Variants in TBCK observed in about 807,000 individuals in gnomAD.
TBCK encodes TBC1 domain containing kinase.
TBCK carries 99 observed loss-of-function variants against 113.4 expected under a neutral mutation model. The ratio of observed to expected loss-of-function variants is 0.87; its 90% CI spans 0.74 to 1.03. The LOEUF (loss-of-function observed/expected upper bound fraction) is 1.03, where lower values mean the gene tolerates loss of function less well. Among genes scored for constraint, TBCK ranks in the 50% least tolerant of loss-of-function variants. TBCK has a pLI of 0.00. For missense variants in TBCK, 1,045 were observed against 1,061.3 expected (o/e 0.98, Z 0.21); for synonymous variants, 369 against 370.8 (o/e 1.00, Z 0.05).
intron 3 of TBCK, among the ~76,000 whole-genome samples, chr4:106,267,735 A>G (rs887833604): frequency 3.3e-5 from 5 of 152,040 alleles, no homozygotes; most frequent in Non-Finnish European, 5.9e-5. Context: ...ACATGGCTCA[A>G]TAAATTTTCA....
intron 23 of TBCK, among the ~76,000 whole-genome samples, chr4:106,156,960 T>A (rs1156456545): frequency 6.6e-6 from 1 of 152,132 alleles, no homozygotes; most frequent in Non-Finnish European, 1.5e-5. Context: ...TAGCTAGTAA[T>A]GTGCTGAGTT....
At chr4:106,169,765 T>TC (rs1750778567) in intron 23 of TBCK, among the ~76,000 whole-genome samples, 2 of 152,182 alleles carry the variant, frequency 1.3e-5, no homozygotes, top group South Asian at 4.1e-4. Context: ...TAATGTACAA[T>TC]CAGTGGGAGC....
At chr4:106,207,645 T>C (rs567817966) in intron 20 of TBCK, among the ~76,000 whole-genome samples, 1 of 152,176 alleles carries the variant, frequency 6.6e-6, no homozygotes, top group Non-Finnish European at 1.5e-5. Flanking sequence ...CTGTCAATAA[T>C]GTCTACATTG....
chr4:106,122,825 AC>A (rs1250352622), intron 23 of TBCK, among the ~76,000 whole-genome samples: 7 of 152,024 alleles, frequency 4.6e-5, no homozygotes, highest in East Asian at 1.9e-4. Flanking sequence ...AAATTCAACA[AC>A]CCTTCATGCT....
intron 1 of TBCK, among the ~76,000 whole-genome samples, chr4:106,315,384 A>G (rs1026951111): frequency 2.6e-5 from 4 of 152,240 alleles, no homozygotes; most frequent in African/African-American, 9.6e-5. Flanking sequence ...ATCATGAATA[A>G]AATTTCACAT....
intron 2 of TBCK, among the ~76,000 whole-genome samples, chr4:106,302,079 A>G (rs982385145): frequency 2.0e-5 from 3 of 152,236 alleles, no homozygotes; most frequent in African/African-American, 7.2e-5. Context: ...AATGCTAAAC[A>G]TTGCCAATAA....
intron 3 of TBCK, among the ~76,000 whole-genome samples, chr4:106,274,532 C>T (rs1489000926): frequency 6.6e-6 from 1 of 152,042 alleles, no homozygotes; most frequent in Non-Finnish European, 1.5e-5. Flanking sequence ...ATAACATGGA[C>T]GAACCTTAAA....
intron 3 of TBCK, among the ~76,000 whole-genome samples, chr4:106,282,006 G>A (rs890956370): frequency 7.2e-5 from 11 of 152,158 alleles, no homozygotes; most frequent in Non-Finnish European, 1.0e-4. Context: ...AAAGTTTGGC[G>A]GAATTCAGCT....
chr4:106,260,667 A>G (rs1029791283), intron 4 of TBCK, among the ~76,000 whole-genome samples, 157 bp from the exon 5 acceptor site: 1 of 151,918 alleles, frequency 6.6e-6, no homozygotes, highest in African/African-American at 2.4e-5. Flanking sequence ...AAAAAATCAT[A>G]ATTTTATAAA....
intron 20 of TBCK, among the ~76,000 whole-genome samples, chr4:106,206,604 T>G (rs1445494487): frequency 6.6e-6 from 1 of 152,182 alleles, no homozygotes; most frequent in Non-Finnish European, 1.5e-5. Context: ...AAGGTGGATA[T>G]TCCTAGTTTT....
intron 23 of TBCK, among the ~76,000 whole-genome samples, chr4:106,159,114 T>C (rs1224156012): frequency 1.3e-5 from 2 of 149,750 alleles, no homozygotes; most frequent in South Asian, 2.1e-4. Context: ...GATAAAAACA[T>C]TTAATAACTA....
intron 25 of TBCK, among the ~76,000 whole-genome samples, chr4:106,049,018 G>T (rs997915713): frequency 1.3e-5 from 2 of 152,136 alleles, no homozygotes; most frequent in Non-Finnish European, 2.9e-5. Context: ...AAGAGCAACT[G>T]TTGAGTTTTC....
intron 22 of TBCK, among the ~76,000 whole-genome samples, chr4:106,183,302 C>T (rs1752617984): frequency 6.6e-6 from 1 of 151,936 alleles, no homozygotes; most frequent in Admixed American, 6.6e-5. Context: ...CCAATTTCCT[C>T]AGCATATCAT....
At chr4:106,117,547 A>G (rs1226899537) in intron 23 of TBCK, among the ~76,000 whole-genome samples, 1 of 152,236 alleles carries the variant, frequency 6.6e-6, no homozygotes, top group Non-Finnish European at 1.5e-5. Flanking sequence ...GATATTGCAT[A>G]AAAATGATTC....
At chr4:106,247,352 T>C in intron 9 of TBCK, 65 bp from the exon 10 acceptor site, 6 of 1,479,234 alleles carry the variant, frequency 4.1e-6, no homozygotes, top group South Asian at 2.3e-5. Context: ...AATAATGGCA[T>C]ACATTCAAGA....
At chr4:106,167,983 G>A (rs576704323) in intron 23 of TBCK, among the ~76,000 whole-genome samples, 1 of 151,682 alleles carries the variant, frequency 6.6e-6, no homozygotes, top group Non-Finnish European at 1.5e-5. Flanking sequence ...GAAGCAAAAC[G>A]AATATGTCCT....
chr4:106,289,399 A>C (rs1160155358), intron 3 of TBCK, among the ~76,000 whole-genome samples: 1 of 152,214 alleles, frequency 6.6e-6, no homozygotes, highest in Non-Finnish European at 1.5e-5. Flanking sequence ...TCTTCTGTCA[A>C]GAAATCTACC....
At chr4:106,190,556 A>G (rs977505753) in intron 22 of TBCK, among the ~76,000 whole-genome samples, 1 of 152,210 alleles carries the variant, frequency 6.6e-6, no homozygotes, top group Non-Finnish European at 1.5e-5. Context: ...TCTGACTAAA[A>G]TAAGTTTTAC....
intron 2 of TBCK, among the ~76,000 whole-genome samples, chr4:106,295,768 C>T (rs1225709827): frequency 2.0e-5 from 3 of 152,162 alleles, no homozygotes; most frequent in Admixed American, 1.3e-4. Flanking sequence ...AATTTGCCTA[C>T]TCTTGACTTG....
Sources: allele counts gnomAD v4.1 joint callset (sites outside exome capture counted in the v4.1 genomes callset), GRCh38; gene constraint gnomAD v4.1.1; transcripts MANE v1.5; gene names NCBI Gene and HGNC (gene_info 2026-07-23, HGNC 2026-07-21).